NYAP2: variants seen among roughly 807,000 people sequenced by gnomAD.
NYAP2 encodes neuronal tyrosine-phosphorylated phosphoinositide-3-kinase adaptor 2.
Under a neutral mutation model 50.4 loss-of-function variants are expected in NYAP2, and 23 were observed. That is an observed-to-expected ratio of 0.46 (90% CI 0.33 to 0.65). The LOEUF (loss-of-function observed/expected upper bound fraction) is 0.65, where lower values mean the gene tolerates loss of function less well. NYAP2 is among the 30% of genes least tolerant of loss of function. The pLI is 0.02. For synonymous variants in NYAP2, 394 were observed against 365.2 expected (o/e 1.08, Z -0.90); for missense variants, 885 against 861.0 (o/e 1.03, Z -0.35).
chr2:225,508,070 T>A (rs1056527552), intron 3 of NYAP2, among the ~76,000 whole-genome samples: 2 of 152,248 alleles, frequency 1.3e-5, no homozygotes, highest in Non-Finnish European at 2.9e-5. Flanking sequence ...ACACTTTGTG[T>A]TTTGTAATGG....
At chr2:225,529,803 G>C (rs956163811) in intron 4 of NYAP2, among the ~76,000 whole-genome samples, 1 of 152,190 alleles carries the variant, frequency 6.6e-6, no homozygotes, top group Non-Finnish European at 1.5e-5. Context: ...TGCCTCCTGG[G>C]TTCAAGCAAT....
intron 4 of NYAP2, among the ~76,000 whole-genome samples, chr2:225,546,791 T>C (rs1691593051): frequency 6.6e-6 from 1 of 152,126 alleles, no homozygotes; most frequent in Non-Finnish European, 1.5e-5. Flanking sequence ...GCTGTGAATG[T>C]ACTGGGTTCC....
chr2:225,410,486 T>C (rs985257954), intron 3 of NYAP2, among the ~76,000 whole-genome samples: 2 of 152,086 alleles, frequency 1.3e-5, no homozygotes, highest in African/African-American at 4.8e-5. Flanking sequence ...CATTTAACTT[T>C]AGTTTTATGA....
intron 4 of NYAP2, among the ~76,000 whole-genome samples, chr2:225,546,486 G>T (rs1042800899): frequency 6.6e-6 from 1 of 151,998 alleles, no homozygotes; most frequent in East Asian, 1.9e-4. Context: ...CCACATGGTG[G>T]GTACTGTCAG....
intron 4 of NYAP2, among the ~76,000 whole-genome samples, chr2:225,523,870 T>C (rs1325124745): frequency 6.6e-6 from 1 of 152,050 alleles, no homozygotes; most frequent in African/African-American, 2.4e-5. Flanking sequence ...TATAGGTCAA[T>C]GGAAGGGAAT....
intron 4 of NYAP2, among the ~76,000 whole-genome samples, chr2:225,552,540 G>A (rs1167316180): frequency 1.3e-5 from 2 of 152,206 alleles, no homozygotes; most frequent in South Asian, 2.1e-4. Flanking sequence ...TTTATAAGAA[G>A]GGAGAGCTTT....
chr2:225,629,563 A>G (rs574926695), intron 6 of NYAP2, among the ~76,000 whole-genome samples: 88 of 152,310 alleles, frequency 5.8e-4, no homozygotes, highest in African/African-American at 2.1e-3. Context: ...ATTTATTAAG[A>G]AAAGAGGTGT....
chr2:225,676,978 T>C, the NYAP2 span, among the ~76,000 whole-genome samples: 1 of 152,186 alleles, frequency 6.6e-6, no homozygotes, highest in African/African-American at 2.4e-5. Context: ...TAGTATTGAA[T>C]GTGTAAGTTG....
chr2:225,519,891 G>C (rs976771067), intron 4 of NYAP2, among the ~76,000 whole-genome samples: 4 of 152,148 alleles, frequency 2.6e-5, no homozygotes, highest in African/African-American at 9.7e-5. Context: ...CCCACCAACA[G>C]TGTAAAAGTG....
At chr2:225,693,729 A>G in the NYAP2 span, among the ~76,000 whole-genome samples, 1 of 151,942 alleles carries the variant, frequency 6.6e-6, no homozygotes, top group African/African-American at 2.4e-5. Context: ...GCACCTCCCA[A>G]TCACCTTGAG....
chr2:225,536,365 C>T (rs1273371262), intron 4 of NYAP2, among the ~76,000 whole-genome samples: 1 of 152,162 alleles, frequency 6.6e-6, no homozygotes, highest in East Asian at 1.9e-4. Context: ...GCATTACCTG[C>T]ATGAAATGGT....
intron 3 of NYAP2, among the ~76,000 whole-genome samples, chr2:225,478,501 T>C (rs1690155003): frequency 6.6e-6 from 1 of 152,210 alleles, no homozygotes; most frequent in Non-Finnish European, 1.5e-5. Flanking sequence ...TGTGAGTTTG[T>C]GAGGAATCTT....
chr2:225,539,885 G>A (rs1192089978), intron 4 of NYAP2, among the ~76,000 whole-genome samples: 2 of 152,130 alleles, frequency 1.3e-5, no homozygotes, highest in Non-Finnish European at 2.9e-5. Context: ...CAGAACCCAA[G>A]TCAACTCTTG....
chr2:225,591,300 C>T (rs1574697574), intron 5 of NYAP2, among the ~76,000 whole-genome samples: 3 of 152,188 alleles, frequency 2.0e-5, no homozygotes, highest in South Asian at 4.1e-4. Context: ...GGGGCTCTAG[C>T]GTTGATGACT....
chr2:225,596,060 G>T (rs1480366226), intron 5 of NYAP2, among the ~76,000 whole-genome samples: 2 of 151,952 alleles, frequency 1.3e-5, no homozygotes, highest in Admixed American at 6.6e-5. Context: ...TGGCTATGTT[G>T]CCCAGGCTAG....
intron 4 of NYAP2, among the ~76,000 whole-genome samples, chr2:225,528,566 A>G (rs1358877747): frequency 6.6e-6 from 1 of 152,232 alleles, no homozygotes; most frequent in African/African-American, 2.4e-5. Context: ...TGATATTAGG[A>G]TTAAAATTAG....
chr2:225,685,976 A>AT, the NYAP2 span, among the ~76,000 whole-genome samples: 3 of 151,992 alleles, frequency 2.0e-5, no homozygotes, highest in African/African-American at 7.2e-5. Context: ...CAATATTATG[A>AT]TTTTTTTCTG....
chr2:225,597,512 A>AATTATATATAT (rs1553554328), intron 5 of NYAP2, among the ~76,000 whole-genome samples: 3 of 46,218 alleles, frequency 6.5e-5, no homozygotes, highest in African/African-American at 1.8e-4. Context: ...TCCAAGGAGA[A>AATTATATATAT]ATATATATAT....
intron 4 of NYAP2, among the ~76,000 whole-genome samples, chr2:225,560,842 G>A (rs1301611578): frequency 1.3e-5 from 2 of 151,128 alleles, no homozygotes; most frequent in East Asian, 3.9e-4. Flanking sequence ...TTTTAAAATT[G>A]TCCACATATT....
Sources: gnomAD v4.1 joint callset for allele counts (sites outside exome capture counted in the v4.1 genomes callset) on GRCh38, gnomAD v4.1.1 for gene constraint, MANE v1.5 for transcripts, NCBI Gene and HGNC (gene_info 2026-07-23, HGNC 2026-07-21) for gene names.